The following ASTN2 variants were observed in gnomAD, a reference collection of about 807,000 sequenced individuals.
ASTN2 encodes the protein astrotactin-2.
A neutral mutation model predicts 139.8 loss-of-function variants in ASTN2; 54 were observed. That is an observed-to-expected ratio of 0.39 (90% CI 0.31 to 0.48). The LOEUF (loss-of-function observed/expected upper bound fraction) is 0.48, where lower values mean the gene tolerates loss of function less well. ASTN2 is among the 20% of genes least tolerant of loss of function. ASTN2 has a pLI of 0.95. For missense variants in ASTN2, 1,565 were observed against 1,725.1 expected, an observed-to-expected ratio of 0.91 and a Z score of 1.64; for synonymous variants, 756 against 719.5, an observed-to-expected ratio of 1.05 and a Z score of -0.81.
chr9:116,618,378 A>G lies in ASTN2; in HGVS notation c.3301T>C (p.Tyr1101His). ...TCCACTTTCTTATGCTGCAGAATAT[A>G]GTCGGAGACCTTGGTCCCAATAGCT... ...QPAIGTKVSD[Y>H]ILQHKKVDEY... The change falls in exon 19 of 23, where the codon TAT (tyrosine) becomes CAT (histidine). Residue 1101 changes from tyrosine (Y) to histidine (H), a missense_variant. Coordinates refer to ENST00000313400, the MANE Select transcript of ASTN2 (RefSeq NM_001365068.1). 1 of 1,614,186 alleles carries G rather than the reference A, an allele frequency of 6.2e-7. No individual in the cohort carries two copies. Among genetic ancestry groups the G allele is most frequent in the Non-Finnish European group, 8.5e-7 (1 of 1,180,004 alleles).
chr9:116,918,546 G>A (rs1834515671), intron 10 of ASTN2, among the ~76,000 whole-genome samples: 2 of 152,110 alleles, frequency 1.3e-5, no homozygotes, highest in East Asian at 3.9e-4. Flanking sequence ...GATTCCATAG[G>A]CTTCTTTCAA....
At chr9:116,921,519 C>T (rs563703859) in intron 10 of ASTN2, among the ~76,000 whole-genome samples, 35 of 144,122 alleles carry the variant, frequency 2.4e-4, no homozygotes, top group South Asian at 9.0e-4. Flanking sequence ...ACCTGGGAAG[C>T]GGAGCTTGCA....
At chr9:116,573,013 G>GCGCACA (rs1853584185) in intron 19 of ASTN2, among the ~76,000 whole-genome samples, 1 of 136,890 alleles carries the variant, frequency 7.3e-6, no homozygotes, top group Non-Finnish European at 1.6e-5. Flanking sequence ...GTGGGTACAT[G>GCGCACA]CACACACACA....
intron 1 of ASTN2, among the ~76,000 whole-genome samples, chr9:117,299,579 C>G (rs891309362): frequency 6.6e-6 from 1 of 152,112 alleles, no homozygotes; most frequent in Non-Finnish European, 1.5e-5. Context: ...CAAAGGGATA[C>G]AGTGGGGGGA....
chr9:116,972,401 AT>A (rs151173377), intron 10 of ASTN2, among the ~76,000 whole-genome samples: 12 of 150,462 alleles, frequency 8.0e-5, no homozygotes, highest in African/African-American at 1.5e-4. Context: ...GGGTATTTGT[AT>A]TTTTTTTTCT....
At chr9:117,001,722 A>T (rs1487273621) in intron 7 of ASTN2, among the ~76,000 whole-genome samples, 1 of 152,294 alleles carries the variant, frequency 6.6e-6, no homozygotes, top group East Asian at 1.9e-4. Flanking sequence ...CATCTTCTTC[A>T]TGATGTATCT....
intron 1 of ASTN2, among the ~76,000 whole-genome samples, chr9:117,384,972 C>T (rs1457334861): frequency 2.0e-5 from 3 of 152,076 alleles, no homozygotes; most frequent in African/African-American, 7.2e-5. Flanking sequence ...TGGAAATCCA[C>T]AACAAATACC....
intron 3 of ASTN2, among the ~76,000 whole-genome samples, chr9:117,209,938 A>G (rs1202236333): frequency 1.3e-5 from 2 of 152,184 alleles, no homozygotes; most frequent in African/African-American, 4.8e-5. Context: ...GAGATTAAAT[A>G]AGATGCTCCT....
chr9:117,115,748 G>A (rs1202791859), intron 4 of ASTN2, among the ~76,000 whole-genome samples: 8 of 151,098 alleles, frequency 5.3e-5, no homozygotes, highest in South Asian at 2.1e-4. Flanking sequence ...ATTGCTGGCC[G>A]GGCGCGGTGG....
At chr9:117,048,953 T>G (rs1033544287) in intron 5 of ASTN2, among the ~76,000 whole-genome samples, 1 of 144,098 alleles carries the variant, frequency 6.9e-6, no homozygotes, top group African/African-American at 2.6e-5. Context: ...CTCTGATTCT[T>G]CATCCATTGC....
chr9:117,097,795 G>C (rs892953307), intron 4 of ASTN2, among the ~76,000 whole-genome samples: 2 of 152,248 alleles, frequency 1.3e-5, no homozygotes, highest in East Asian at 1.9e-4. Context: ...TCCTCAGGTA[G>C]GGTATTTGAA....
chr9:117,013,816 G>A (rs1837600757), intron 6 of ASTN2, among the ~76,000 whole-genome samples: 1 of 152,052 alleles, frequency 6.6e-6, no homozygotes, highest in South Asian at 2.1e-4. Flanking sequence ...GGTATCACCA[G>A]ACAAAATTGC....
chr9:117,238,168 C>A (rs1833101019), intron 2 of ASTN2, among the ~76,000 whole-genome samples: 1 of 152,110 alleles, frequency 6.6e-6, no homozygotes, highest in African/African-American at 2.4e-5. Flanking sequence ...GGGCAAAGAC[C>A]CACTTGTGGA....
At chr9:116,809,211 G>A (rs1206891932) in intron 12 of ASTN2, among the ~76,000 whole-genome samples, 1 of 152,000 alleles carries the variant, frequency 6.6e-6, no homozygotes, top group Non-Finnish European at 1.5e-5. Flanking sequence ...TTGTAGTATT[G>A]TATATGTTTA....
chr9:117,018,193 G>A (rs12552738), intron 6 of ASTN2, among the ~76,000 whole-genome samples: 31,827 of 152,026 alleles, frequency 0.21, 3,554 homozygotes, highest in South Asian at 0.34. Flanking sequence ...GAAAATTTAT[G>A]GTAAGACATG....
At chr9:116,959,032 G>C (rs149578018) in intron 10 of ASTN2, among the ~76,000 whole-genome samples, 170 of 152,300 alleles carry the variant, frequency 1.1e-3, no homozygotes, top group African/African-American at 3.7e-3. Context: ...AGTGCCTGGA[G>C]AGAGGAAATG....
chr9:116,595,258 C>T (rs1216271791), intron 19 of ASTN2, among the ~76,000 whole-genome samples: 1 of 152,236 alleles, frequency 6.6e-6, no homozygotes, highest in Non-Finnish European at 1.5e-5. Flanking sequence ...ACACTTCCCA[C>T]AATGCTTACA....
Position 116,845,972 on chromosome 9 carries a change from A to G in ASTN2, c.2040+17611T>C, listed in dbSNP as rs114067015. Among the ~76,000 whole-genome samples the G allele has an allele frequency of 4.4e-3, 677 of 152,340 alleles. 5 individuals are homozygous for G. The highest frequency in any genetic ancestry group is 0.016 in the African/African-American group (649 of 41,570). ...AATAGCCTAAAAGGTAGGAACAACC[A>G]ATGTTCATTGACAGATACATATACA... is the stretch of plus-strand genomic sequence containing the variant. On this transcript the variant is annotated intron_variant, in intron 11 of 22. Transcript: ENST00000313400.
intron 2 of ASTN2, among the ~76,000 whole-genome samples, chr9:117,291,097 T>C (rs1564129102): frequency 6.6e-6 from 1 of 152,242 alleles, no homozygotes; most frequent in East Asian, 1.9e-4. Flanking sequence ...GGAGACCCTT[T>C]ATTTTCTTCT....
Sources: allele counts gnomAD v4.1 joint callset (sites outside exome capture counted in the v4.1 genomes callset), GRCh38; gene constraint gnomAD v4.1.1; transcripts MANE v1.5; gene names NCBI Gene and HGNC (gene_info 2026-07-23, HGNC 2026-07-21).